Variants in SLC9A7 observed in about 807,000 individuals in gnomAD.
SLC9A7 encodes sodium/hydrogen exchanger 7.
In SLC9A7, 19 loss-of-function variants were observed where a neutral mutation model predicts 52.6. The ratio of observed to expected loss-of-function variants is 0.36; its 90% CI spans 0.25 to 0.53. The LOEUF (loss-of-function observed/expected upper bound fraction) is 0.53. Among genes scored for constraint, SLC9A7 ranks in the 20% least tolerant of loss-of-function variants. SLC9A7 has a pLI of 0.91. For missense variants in SLC9A7, 455 were observed against 597.9 expected (o/e 0.76, Z 2.49); for synonymous variants, 226 against 252.1 (o/e 0.90, Z 0.98).
At chrX:46,746,614 G>A (rs899969178) in intron 1 of SLC9A7, among the ~76,000 whole-genome samples, 4 of 112,034 alleles carry the variant, frequency 3.6e-5, no homozygotes, top group Admixed American at 9.5e-5. Flanking sequence ...CAGTTAAAAC[G>A]GCTTTTATCA....
intron 7 of SLC9A7, among the ~76,000 whole-genome samples, chrX:46,655,804 C>T (rs890621664): frequency 1.8e-5 from 2 of 112,612 alleles, no homozygotes; most frequent in African/African-American, 6.4e-5. Flanking sequence ...GAGGGGCGCC[C>T]GCCATTGCCC....
chrX:46,635,493 AG>A, intron 13 of SLC9A7, 95 bp downstream of exon 13: 3 of 691,067 alleles, frequency 4.3e-6, no homozygotes, highest in Non-Finnish European at 6.7e-6. Flanking sequence ...ACACGCAGGA[AG>A]GAAGAGAAAA....
chrX:46,749,255 G>T (rs1261847529), intron 1 of SLC9A7, among the ~76,000 whole-genome samples: 1 of 112,193 alleles, frequency 8.9e-6, no homozygotes, highest in Admixed American at 9.4e-5. Context: ...AAAATAGAAT[G>T]CACTAAACAA....
At chrX:46,704,836 C>CACACACAA (rs751522064) in intron 1 of SLC9A7, among the ~76,000 whole-genome samples, 1 of 111,043 alleles carries the variant, frequency 9.0e-6, no homozygotes. Context: ...CCTCTTGAGA[C>CACACACAA]ACACACAAAC....
At chrX:46,632,064 C>T (rs962050082) in intron 13 of SLC9A7, among the ~76,000 whole-genome samples, 1 of 111,985 alleles carries the variant, frequency 8.9e-6, no homozygotes, top group Non-Finnish European at 1.9e-5. Flanking sequence ...TTCAAATATA[C>T]AGGGAGATGT....
At position 46,662,679 on chromosome X, in the gene SLC9A7, G is replaced by A. The variant is rs761721918; in HGVS notation, c.794-36C>T. The A allele has an allele frequency of 5.7e-6, 6 of 1,061,553 alleles. No homozygotes were observed. The South Asian group carries it at 9.6e-5, about 17-fold the overall frequency. The allele number at this position is 1,061,553 out of a possible 1,213,427, so 87.5% of individuals were successfully genotyped here. On this transcript the variant is annotated intron_variant, in intron 5 of 16. Transcript: ENST00000616978. ...AGCCGAAAGCACAGAAATTAGTTTT[G>A]GTTTCTGACCTTAAATCACTGATTA...
At position 46,600,056 on chromosome X, in the gene SLC9A7, C is replaced by T. The variant is rs773160526; in HGVS notation, c.*6896G>A. 2 of 112,072 alleles carry T rather than the reference C, an allele frequency of 1.8e-5. No homozygotes were observed. The highest frequency in any genetic ancestry group is 2.8e-4 in the East Asian group (1 of 3,570). The allele number at this position is 112,072 out of a possible 1,213,427, so 9.2% of individuals were successfully genotyped here. On this transcript the variant is annotated 3_prime_UTR_variant, in exon 17 of 17. Coordinates refer to ENST00000616978, the MANE Select transcript of SLC9A7 (RefSeq NM_001257291.2). The stretch of plus-strand genomic sequence containing the variant: ...GACAACTTAGGAGGAGCTGGCCCTA[C>T]TATGAAGTCACACTTTGAACGATCA...
intron 1 of SLC9A7, among the ~76,000 whole-genome samples, chrX:46,735,089 A>T (rs907531540): frequency 5.4e-5 from 6 of 111,205 alleles, no homozygotes; most frequent in Non-Finnish European, 3.8e-5. Context: ...TTTTAATCCA[A>T]TCTGATGATC....
chrX:46,734,316 T>C (rs753863088), intron 1 of SLC9A7, among the ~76,000 whole-genome samples: 20 of 111,440 alleles, frequency 1.8e-4, no homozygotes, highest in Non-Finnish European at 3.2e-4. Flanking sequence ...ACACCAATCA[T>C]AAAAGCACTA....
rs1364201547 is a variant in SLC9A7 at position 46,599,680 on chromosome X, GGTT to G, written c.*7269_*7271del. The G allele has an allele frequency of 9.0e-6, 1 of 111,514 alleles. No individual in the cohort carries two copies. The highest frequency in any genetic ancestry group is 9.5e-5 in the Admixed American group (1 of 10,495). 9.2% of individuals were successfully genotyped at this position (111,514 alleles called of 1,213,427 possible). A position where few individuals can be genotyped will look rare whatever the true frequency, so the allele number is the denominator to read the frequency against. ...TGCAGTTTTCCTTATTGCACATAAA[GGTT>G]GTGGATAACGCCAAGTCTTTAATTT... On this transcript the variant is annotated 3_prime_UTR_variant, in exon 17 of 17. Transcript: ENST00000616978.
chrX:46,749,590 G>T (rs971734860), intron 1 of SLC9A7, among the ~76,000 whole-genome samples: 1 of 111,742 alleles, frequency 8.9e-6, no homozygotes, highest in Non-Finnish European at 1.9e-5. Context: ...TAAAACACTG[G>T]TAGCCTTCTG....
chrX:46,663,197 G>A (rs2146818539), intron 5 of SLC9A7, among the ~76,000 whole-genome samples: 1 of 111,292 alleles, frequency 9.0e-6, no homozygotes, highest in Non-Finnish European at 1.9e-5. Flanking sequence ...GCCAGGCATG[G>A]TGGCACACGC....
intron 1 of SLC9A7, among the ~76,000 whole-genome samples, chrX:46,693,159 C>T (rs757218952): frequency 8.9e-6 from 1 of 112,228 alleles, no homozygotes; most frequent in South Asian, 3.7e-4. Flanking sequence ...ATATAGCTAA[C>T]ATGACAATGC....
chrX:46,744,580 T>C (rs5952937), intron 1 of SLC9A7, among the ~76,000 whole-genome samples: 2,246 of 112,024 alleles, frequency 0.02, 52 homozygotes, highest in African/African-American at 0.068. Context: ...TAGTTAGATG[T>C]TTCTCGATCT....
In SLC9A7 at chrX:46,643,219, C is replaced by T. The variant is rs754457842; in HGVS notation, c.1616+17G>A. On this transcript the variant is annotated intron_variant, in intron 12 of 16. Coordinates refer to ENST00000616978, the MANE Select transcript of SLC9A7 (RefSeq NM_001257291.2). The stretch of plus-strand genomic sequence containing the variant: ...GTGACAACTGACATACTCAATTAGC[C>T]TTGGTTCCAAACCAACCTGATGTTA... The T allele has an allele frequency of 1.9e-4, 223 of 1,195,279 alleles. No homozygotes were observed. The highest frequency in any genetic ancestry group is 2.4e-4 in the Non-Finnish European group (211 of 884,056).
chrX:46,739,448 ATCTCTCTCTC>A (rs531899878), intron 1 of SLC9A7, among the ~76,000 whole-genome samples: 1 of 104,984 alleles, frequency 9.5e-6, no homozygotes, highest in South Asian at 4.3e-4. Flanking sequence ...GACTCCTATC[ATCTCTCTCTC>A]TCTCTCTCTC....
At chrX:46,754,008 AAT>A (rs1922445327) in intron 1 of SLC9A7, among the ~76,000 whole-genome samples, 7 of 103,285 alleles carry the variant, frequency 6.8e-5, no homozygotes, top group African/African-American at 1.8e-4. Flanking sequence ...TAATAATAAT[AAT>A]AAATAAAATT....
chrX:46,724,830 T>C (rs1264796125), intron 1 of SLC9A7, among the ~76,000 whole-genome samples: 1 of 112,136 alleles, frequency 8.9e-6, no homozygotes, highest in African/African-American at 3.2e-5. Flanking sequence ...TGCAGAGTTA[T>C]AGTGTCATAG....
At chrX:46,723,341 G>GAAAGA (rs965382293) in intron 1 of SLC9A7, among the ~76,000 whole-genome samples, 3 of 94,611 alleles carry the variant, frequency 3.2e-5, no homozygotes, top group Admixed American at 1.1e-4. Flanking sequence ...AAAAAAAACA[G>GAAAGA]AAAGAAAAGA....
Sources: allele counts gnomAD v4.1 joint callset (sites outside exome capture counted in the v4.1 genomes callset), GRCh38; gene constraint gnomAD v4.1.1; transcripts MANE v1.5; gene names NCBI Gene and HGNC (gene_info 2026-07-23, HGNC 2026-07-21).